The following FAM81A variants were observed in gnomAD, a reference collection of about 807,000 sequenced individuals.
FAM81A encodes protein FAM81A.
Under a neutral mutation model 46.7 loss-of-function variants are expected in FAM81A, and 19 were observed. The ratio of observed to expected loss-of-function variants is 0.41; its 90% CI spans 0.28 to 0.60. The LOEUF (loss-of-function observed/expected upper bound fraction) is 0.60. FAM81A is among the 20% of genes least tolerant of loss of function. FAM81A has a pLI of 0.34. For missense variants in FAM81A, 377 were observed against 453.5 expected, an observed-to-expected ratio of 0.83 and a Z score of 1.53; for synonymous variants, 183 against 152.9, an observed-to-expected ratio of 1.20 and a Z score of -1.45.
chr15:59,401,535 C>A, intron 1 of FAM81A: 1 of 755,034 alleles, frequency 1.3e-6, no homozygotes, highest in Non-Finnish European at 2.4e-6. Context: ...CCATCTTGAA[C>A]AAAGCAGACA....
chr15:59,512,027 G>A (rs2082215733), intron 6 of FAM81A, among the ~76,000 whole-genome samples: 1 of 152,160 alleles, frequency 6.6e-6, no homozygotes, highest in South Asian at 2.1e-4. Context: ...GACTGGATAA[G>A]CTGTGGTATA....
At position 59,521,371 on chromosome 15, in the gene FAM81A, C is replaced by T; in HGVS notation, c.1100C>T (p.Pro367Leu). ...QIQLMQKPETPM is the reference protein window; with the variant it reads ...QIQLMQKPETLM ...CAGCTGATGCAGAAGCCAGAGACCC[C>T]CATGTGAAGGGAGCTGGGACAAGGT... Residue 367 changes from proline (P) to leucine (L), a missense_variant, in exon 9 of 9, where the codon CCC becomes CTC. Physicochemically the swap from Pro to Leu is moderately conservative, Grantham distance 98 (BLOSUM62 -3). Transcript: ENST00000288228. The T allele has an allele frequency of 6.2e-7, 1 of 1,609,106 alleles. No individual in the cohort carries two copies. The highest frequency in any genetic ancestry group is 8.5e-7 in the Non-Finnish European group (1 of 1,177,450).
chr15:59,400,168 T>C (rs2140461219), intron 1 of FAM81A, among the ~76,000 whole-genome samples: 1 of 152,244 alleles, frequency 6.6e-6, no homozygotes, highest in African/African-American at 2.4e-5. Context: ...CAAGACTGAC[T>C]CATGCTCTTG....
At chr15:59,454,385 C>G (rs560884141) in intron 1 of FAM81A, among the ~76,000 whole-genome samples, 227 of 152,128 alleles carry the variant, frequency 1.5e-3, no homozygotes, top group Admixed American at 2.9e-3. Flanking sequence ...GCAGGTTTTT[C>G]TACTCAGTGT....
intron 8 of FAM81A, among the ~76,000 whole-genome samples, chr15:59,520,972 T>C (rs1170957537): frequency 1.3e-5 from 2 of 152,224 alleles, no homozygotes; most frequent in African/African-American, 4.8e-5. Context: ...AGTTACGTGA[T>C]GTTGTTTCTC....
intron 3 of FAM81A, among the ~76,000 whole-genome samples, chr15:59,478,951 C>G (rs1355234711): frequency 3.3e-5 from 5 of 152,150 alleles, no homozygotes. Context: ...AGTCTCTAAG[C>G]CTTCAACTCA....
intron 2 of FAM81A, among the ~76,000 whole-genome samples, chr15:59,432,540 C>G (rs1412572570): frequency 5.9e-5 from 9 of 152,166 alleles, no homozygotes; most frequent in African/African-American, 1.2e-4. Context: ...CAATCTTGCA[C>G]CTGGTACCTA....
At position 59,482,155 on chromosome 15, in the gene FAM81A, G is replaced by GTT. The variant is rs554738016; in HGVS notation, c.295-10110_295-10109dup. ...AGGTTGAACCTTTTAAAAAATGTGTGTTTTTTTAAGCCCCTTTTTTTGTGA... is the reference window on the plus strand; with the variant it reads ...AGGTTGAACCTTTTAAAAAATGTGTGTTTTTTTTTAAGCCCCTTTTTTTGTGA... On this transcript the variant is annotated intron_variant, in intron 3 of 8. Transcript: ENST00000288228. Among the ~76,000 whole-genome samples the GTT allele has an allele frequency of 3.9e-5, 6 of 152,082 alleles. No individual in the cohort carries two copies. The South Asian group carries it at 1.2e-3, about 32-fold the overall frequency.
At chr15:59,417,700 G>A (rs1436814618) in intron 2 of FAM81A, among the ~76,000 whole-genome samples, 1 of 152,160 alleles carries the variant, frequency 6.6e-6, no homozygotes, top group Non-Finnish European at 1.5e-5. Flanking sequence ...GGGCAACAGA[G>A]TGAGACTCTG....
chr15:59,438,955 A>G (rs893150840), intron 1 of FAM81A: 2 of 152,238 alleles, frequency 1.3e-5, no homozygotes, highest in Admixed American at 6.5e-5. Context: ...CATGAACAAA[A>G]TCAGGATTAA....
At chr15:59,467,192 T>G (rs1365424085) in intron 3 of FAM81A, among the ~76,000 whole-genome samples, 1 of 152,236 alleles carries the variant, frequency 6.6e-6, no homozygotes, top group African/African-American at 2.4e-5. Flanking sequence ...CAATTCAGGC[T>G]CTTTTTTGGT....
At chr15:59,424,721 A>G (rs77538311) in intron 2 of FAM81A, among the ~76,000 whole-genome samples, 4 of 152,348 alleles carry the variant, frequency 2.6e-5, no homozygotes, top group Non-Finnish European at 4.4e-5. Context: ...CTGCATCACA[A>G]GTTCGCTGAA....
At chr15:59,426,553 G>A (rs543911534) in intron 2 of FAM81A, among the ~76,000 whole-genome samples, 9 of 152,304 alleles carry the variant, frequency 5.9e-5, no homozygotes, top group Admixed American at 4.6e-4. Flanking sequence ...CAGAGGTTGC[G>A]GTGAACCGAG....
chr15:59,509,441 T>G (rs540330906), intron 6 of FAM81A, among the ~76,000 whole-genome samples: 1 of 152,360 alleles, frequency 6.6e-6, no homozygotes, highest in Admixed American at 6.5e-5. Context: ...TTACCTTATA[T>G]GGCAAAAGGG....
intron 1 of FAM81A, among the ~76,000 whole-genome samples, chr15:59,454,450 T>C (rs1490991943): frequency 6.6e-6 from 1 of 152,192 alleles, no homozygotes; most frequent in African/African-American, 2.4e-5. Flanking sequence ...TCTTTTTCAT[T>C]AAAATTTTAA....
chr15:59,496,116 T>C (rs1342029921), intron 4 of FAM81A, among the ~76,000 whole-genome samples: 1 of 152,236 alleles, frequency 6.6e-6, no homozygotes, highest in African/African-American at 2.4e-5. Flanking sequence ...GATTTATGCC[T>C]ATATTTTCTT....
intron 2 of FAM81A, among the ~76,000 whole-genome samples, chr15:59,432,952 G>A (rs1436270769): frequency 5.5e-5 from 8 of 146,292 alleles, no homozygotes; most frequent in African/African-American, 2.0e-4. Flanking sequence ...TCCCTAACAC[G>A]GTGAAACCCC....
At chr15:59,444,838 AAG>A (rs1449013873) in intron 1 of FAM81A, among the ~76,000 whole-genome samples, 3 of 152,168 alleles carry the variant, frequency 2.0e-5, no homozygotes, top group Admixed American at 6.5e-5. Context: ...TTTTTGCAAA[AAG>A]AGAAAACCCA....
intron 3 of FAM81A, among the ~76,000 whole-genome samples, chr15:59,471,312 A>G (rs1231830628): frequency 6.6e-6 from 1 of 152,166 alleles, no homozygotes; most frequent in Admixed American, 6.5e-5. Flanking sequence ...AGGCTCATAT[A>G]CATTTATAAT....
Sources: allele counts gnomAD v4.1 joint callset (sites outside exome capture counted in the v4.1 genomes callset), GRCh38; gene constraint gnomAD v4.1.1; transcripts MANE v1.5; gene names NCBI Gene and HGNC (gene_info 2026-07-23, HGNC 2026-07-21).